Variants in CNTNAP2 observed in about 807,000 individuals in gnomAD.
CNTNAP2 encodes the protein contactin associated protein 2, also known as contactin-associated protein-like 2.
CNTNAP2 carries 98 observed loss-of-function variants against 155.2 expected under a neutral mutation model. The observed-to-expected ratio is 0.63, with a 90% CI of 0.54 to 0.75. The LOEUF (loss-of-function observed/expected upper bound fraction) is 0.75, where lower values mean the gene tolerates loss of function less well. Ranked by LOEUF, CNTNAP2 falls within the 30% of genes least tolerant of loss-of-function variation. The pLI is 0.00. For synonymous variants in CNTNAP2, 651 were observed against 631.2 expected, an observed-to-expected ratio of 1.03 and a Z score of -0.47; for missense variants, 1,727 against 1,688.1, an observed-to-expected ratio of 1.02 and a Z score of -0.40.
intron 1 of CNTNAP2, among the ~76,000 whole-genome samples, chr7:146,746,042 G>A (rs961893058): frequency 2.6e-5 from 4 of 152,118 alleles, no homozygotes; most frequent in African/African-American, 9.7e-5. Context: ...CTTCTCATTA[G>A]GATAATGGGG....
chr7:146,905,859 G>A (rs1164334717), intron 3 of CNTNAP2, among the ~76,000 whole-genome samples: 1 of 152,192 alleles, frequency 6.6e-6, no homozygotes, highest in Non-Finnish European at 1.5e-5. Flanking sequence ...GCAGAAGATG[G>A]GTGATTTCTG....
intron 13 of CNTNAP2, among the ~76,000 whole-genome samples, chr7:147,791,960 A>G (rs1042820178): frequency 7.9e-5 from 12 of 152,222 alleles, no homozygotes; most frequent in African/African-American, 2.6e-4. Flanking sequence ...TGGCCCAGAA[A>G]CCACACAAAT....
chr7:146,420,527 A>G (rs1172131959), intron 1 of CNTNAP2, among the ~76,000 whole-genome samples: 1 of 152,058 alleles, frequency 6.6e-6, no homozygotes, highest in Admixed American at 6.6e-5. Flanking sequence ...TTTTCTGGCA[A>G]TATTAATGTG....
Position 147,004,331 on chromosome 7 carries a change from A to G in CNTNAP2, c.403-39576A>G, listed in dbSNP as rs376549508. On this transcript the variant is annotated intron_variant, in intron 3 of 23. Transcript: ENST00000361727. ...AATTGAAACTTAAACAACAAATGAA[A>G]TATTTATTTTCAGAATATACAAAGT... 2.4e-3 allele frequency among the ~76,000 whole-genome samples: 367 copies of G among 151,972 alleles called. 19 individuals carry two copies. In the South Asian group the frequency reaches 0.072, roughly 30 times the overall value.
At chr7:146,844,111 A>G (rs990793483) in intron 3 of CNTNAP2, among the ~76,000 whole-genome samples, 3 of 152,112 alleles carry the variant, frequency 2.0e-5, no homozygotes, top group Non-Finnish European at 4.4e-5. Context: ...GAGTTATTTT[A>G]TCACTGTTGG....
At chr7:147,033,192 A>ATGTG (rs1799076895) in intron 3 of CNTNAP2, among the ~76,000 whole-genome samples, 1 of 95,638 alleles carries the variant, frequency 1.0e-5, no homozygotes, top group African/African-American at 3.8e-5. Context: ...ATATATATAT[A>ATGTG]TATATATATA....
chr7:146,126,032 T>A (rs1434363388), intron 1 of CNTNAP2, among the ~76,000 whole-genome samples: 2 of 152,200 alleles, frequency 1.3e-5, no homozygotes, highest in Non-Finnish European at 2.9e-5. Context: ...TCTTTATGTG[T>A]ACTAGGTCAT....
chr7:148,138,623 G>T (rs1196849032), intron 16 of CNTNAP2, among the ~76,000 whole-genome samples: 1 of 152,152 alleles, frequency 6.6e-6, no homozygotes, highest in Admixed American at 6.5e-5. Flanking sequence ...ATCTCTAGGG[G>T]ATCCTTAGGT....
chr7:146,686,110 A>G (rs1800594157), intron 1 of CNTNAP2, among the ~76,000 whole-genome samples: 1 of 152,122 alleles, frequency 6.6e-6, no homozygotes, highest in African/African-American at 2.4e-5. Flanking sequence ...CATCCTGGGC[A>G]ACATACTGAG....
intron 14 of CNTNAP2, among the ~76,000 whole-genome samples, chr7:147,935,374 C>T (rs1336565222): frequency 1.3e-5 from 2 of 152,164 alleles, no homozygotes; most frequent in African/African-American, 2.4e-5. Flanking sequence ...ATCTGCCCGC[C>T]TCAGCCTCCC....
intron 1 of CNTNAP2, among the ~76,000 whole-genome samples, chr7:146,224,563 CG>C (rs1799261150): frequency 2.0e-5 from 3 of 150,518 alleles, no homozygotes; most frequent in African/African-American, 7.4e-5. Flanking sequence ...CTGGCTAACA[CG>C]GGGAAACCCC....
chr7:147,281,984 A>G (rs1805045509), intron 8 of CNTNAP2, among the ~76,000 whole-genome samples: 1 of 151,764 alleles, frequency 6.6e-6, no homozygotes, highest in Non-Finnish European at 1.5e-5. Flanking sequence ...CTGTTGGGGG[A>G]TAGACAGGAC....
chr7:147,543,516 T>C (rs1223431791), intron 11 of CNTNAP2, among the ~76,000 whole-genome samples: 1 of 152,208 alleles, frequency 6.6e-6, no homozygotes, highest in African/African-American at 2.4e-5. Flanking sequence ...AAGATTAATG[T>C]GAAAGTTTTT....
chr7:147,306,277 T>C (rs1434539173), intron 9 of CNTNAP2, among the ~76,000 whole-genome samples: 1 of 152,186 alleles, frequency 6.6e-6, no homozygotes, highest in African/African-American at 2.4e-5. Context: ...CAAAGATGGC[T>C]CTTATGAAGT....
chr7:147,782,086 G>T (rs1350441024), intron 13 of CNTNAP2, among the ~76,000 whole-genome samples: 1 of 151,808 alleles, frequency 6.6e-6, no homozygotes, highest in Admixed American at 6.6e-5. Flanking sequence ...CTCTAAAGGG[G>T]GCCAGGATGT....
At chr7:148,254,435 C>A (rs186415104) in intron 20 of CNTNAP2, among the ~76,000 whole-genome samples, 1 of 152,116 alleles carries the variant, frequency 6.6e-6, no homozygotes, top group African/African-American at 2.4e-5. Flanking sequence ...ATATCTCCAT[C>A]GTTTCTCATA....
At chr7:146,673,061 A>G (rs1306839582) in intron 1 of CNTNAP2, among the ~76,000 whole-genome samples, 1 of 152,082 alleles carries the variant, frequency 6.6e-6, no homozygotes. Flanking sequence ...CCATTAAATG[A>G]TATAAATTTT....
chr7:146,281,012 T>C (rs536062887), intron 1 of CNTNAP2, among the ~76,000 whole-genome samples: 2 of 152,306 alleles, frequency 1.3e-5, no homozygotes, highest in East Asian at 3.9e-4. Context: ...CCTGGAAACC[T>C]TGGCCATCTT....
intron 20 of CNTNAP2, among the ~76,000 whole-genome samples, chr7:148,256,462 G>A (rs1244635733): frequency 6.6e-6 from 1 of 152,022 alleles, no homozygotes. Flanking sequence ...GCAGAGCCAG[G>A]GCCCATCTCC....
Sources: allele counts gnomAD v4.1 joint callset (sites outside exome capture counted in the v4.1 genomes callset), GRCh38; gene constraint gnomAD v4.1.1; transcripts MANE v1.5; gene names NCBI Gene and HGNC (gene_info 2026-07-23, HGNC 2026-07-21).